The following TTYH2 variants were observed in gnomAD, a reference collection of about 807,000 sequenced individuals.
TTYH2 encodes protein tweety homolog 2.
A neutral mutation model predicts 68.3 loss-of-function variants in TTYH2; 49 were observed. That is an observed-to-expected ratio of 0.72 (90% CI 0.57 to 0.91). TTYH2 has a LOEUF of 0.91. Ranked by LOEUF, TTYH2 falls within the 40% of genes least tolerant of loss-of-function variation. The pLI is 0.00. For synonymous variants in TTYH2, 272 were observed against 300.8 expected (o/e 0.90, Z 0.99); for missense variants, 631 against 700.4 (o/e 0.90, Z 1.12).
At position 74,252,069 on chromosome 17, in the gene TTYH2, G is replaced by C. The variant is rs527837658; in HGVS notation, c.1117-165G>C. ...AACCCAAGAAGCCCCATTGTGTTAG[G>C]CTCCAGAGTGTGGACCTTTAATGGT... is the stretch of plus-strand genomic sequence containing the variant. On this transcript the variant is annotated intron_variant, in intron 10 of 13. Transcript: ENST00000269346. 9 of 796,954 alleles carry C rather than the reference G, an allele frequency of 1.1e-5. No individual in the cohort carries two copies. In the South Asian group the frequency reaches 1.5e-4, roughly 13 times the overall value. The allele number at this position is 796,954 out of a possible 1,614,324, so 49.4% of individuals were successfully genotyped here. A position where few individuals can be genotyped will look rare whatever the true frequency, so the allele number is the denominator to read the frequency against.
At chr17:74,243,604 T>C in intron 5 of TTYH2, 135 bp downstream of exon 5, 1 of 832,980 alleles carries the variant, frequency 1.2e-6, no homozygotes, top group Non-Finnish European at 2.0e-6. Context: ...TGCCCCGTCC[T>C]CAGCACTCAG....
rs748986816 is a variant in TTYH2 at position 74,237,403 on chromosome 17, A to G, written c.524A>G (p.Gln175Arg). The G allele has an allele frequency of 1.9e-6, 3 of 1,614,170 alleles. No individual in the cohort carries two copies. The highest frequency in any genetic ancestry group is 3.3e-5 in the Admixed American group (2 of 60,018). ...TACCTGCAGACCCTGAAGTTCATAC[A>G]GCAGATGGCGGGCAGCGTTGTTGTT... The part of the protein sequence containing the change: ...GDYLQTLKFI[Q>R]QMAGSVVVQL... Residue 175 changes from glutamine (Q) to arginine (R), a missense_variant, in exon 4 of 14, where the codon CAG (glutamine) becomes CGG (arginine). By Grantham distance (43) the Gln-to-Arg change is conservative. Coordinates refer to ENST00000269346, the MANE Select transcript of TTYH2 (RefSeq NM_032646.6).
chr17:74,254,247 C>A (rs2050670106), intron 13 of TTYH2, among the ~76,000 whole-genome samples: 2 of 151,970 alleles, frequency 1.3e-5, no homozygotes, highest in Non-Finnish European at 2.9e-5. Context: ...GCAATATCGG[C>A]TTACTGCAAC....
Position 74,253,101 on chromosome 17 carries a change from TTGA to T in TTYH2, c.1290_1292del (p.Asp431del). ...TCTAGAAACAGAGACTACGATGACA[TTGA>T]TGATGATGACCCCTTTAACCCCCAA... On this transcript the variant is annotated inframe_deletion, in exon 12 of 14. Transcript: ENST00000269346. 8 of 1,613,460 alleles carry T rather than the reference TTGA, an allele frequency of 5.0e-6. No homozygotes were observed. The highest frequency in any genetic ancestry group is 6.8e-6 in the Non-Finnish European group (8 of 1,179,704).
rs971384616 is a variant in TTYH2 at position 74,250,211 on chromosome 17, C to T, written c.1024-54C>T. On this transcript the variant is annotated intron_variant, in intron 9 of 13. Transcript: ENST00000269346. ...AGCACAGCTGCTGTGGTGGTTTTCT[C>T]CGCCAGCTCTCCTCCACAGCCCCTC... 6 of 1,550,490 alleles carry T rather than the reference C, an allele frequency of 3.9e-6. No homozygotes were observed. The Admixed American group carries it at 9.2e-5, about 24-fold the overall frequency.
intron 2 of TTYH2, among the ~76,000 whole-genome samples, chr17:74,230,023 C>CA (rs1377453750): frequency 6.6e-6 from 1 of 152,094 alleles, no homozygotes; most frequent in African/African-American, 2.4e-5. Context: ...CTCAGCTACT[C>CA]AGGAGGCTGA....
chr17:74,256,009 C>A (rs747106947), intron 13 of TTYH2, among the ~76,000 whole-genome samples: 4 of 152,112 alleles, frequency 2.6e-5, no homozygotes, highest in Non-Finnish European at 4.4e-5. Flanking sequence ...CCGGTCATGG[C>A]GCTTGGTGAA....
chr17:74,250,461 C>T (rs1209312473), intron 10 of TTYH2, 104 bp downstream of exon 10: 2 of 919,078 alleles, frequency 2.2e-6, no homozygotes, highest in East Asian at 2.7e-5. Context: ...TGGCCTGGGT[C>T]CCCTTCCGGC....
chr17:74,228,864 T>C (rs1233672670), intron 2 of TTYH2, among the ~76,000 whole-genome samples: 1 of 152,186 alleles, frequency 6.6e-6, no homozygotes, highest in Non-Finnish European at 1.5e-5. Flanking sequence ...GACTTTCATT[T>C]GGAGGACAGT....
chr17:74,214,128 C>T lies in TTYH2; in HGVS notation c.129+412C>T, dbSNP rs2050199014. ...CCGAAGTTTTCGACCGTCTGAGATTCCAAGATGGGGCGCTCTCTTTCCGGG... is the reference window on the plus strand; with the variant it reads ...CCGAAGTTTTCGACCGTCTGAGATTTCAAGATGGGGCGCTCTCTTTCCGGG... On this transcript the variant is annotated intron_variant, in intron 1 of 13. Transcript: ENST00000269346. This position sits in a 1 kb window ranked among gnomAD's most constrained non-coding sequence, Gnocchi z 4.6. 6.6e-6 allele frequency among the ~76,000 whole-genome samples: 1 copy of T among 152,158 alleles called. No homozygotes were observed. The highest frequency in any genetic ancestry group is 1.5e-5 in the Non-Finnish European group (1 of 68,028).
intron 2 of TTYH2, among the ~76,000 whole-genome samples, chr17:74,226,883 T>C (rs2050335744): frequency 6.6e-6 from 1 of 152,126 alleles, no homozygotes; most frequent in East Asian, 1.9e-4. Context: ...CCAGGTGGGA[T>C]CAATGACCCC....
At position 74,249,348 on chromosome 17, in the gene TTYH2, G is replaced by C; in HGVS notation, c.879G>C (p.Val293=). 2.5e-6 allele frequency: 4 copies of C among 1,614,136 alleles called. No individual in the cohort carries two copies. Among genetic ancestry groups the C allele is most frequent in the Non-Finnish European group, 3.4e-6 (4 of 1,180,024 alleles). The change falls in exon 8 of 14, where the codon GTG becomes GTC. Residue 293 remains valine, a synonymous_variant. Coordinates refer to ENST00000269346, the MANE Select transcript of TTYH2 (RefSeq NM_032646.6). ...NVTEGQISTE[V]TRYYLYCSQS... is the part of the protein sequence containing the mutation. Reference sequence around the variant, plus strand: ...CGTTATGCCGTTGCCCTGCAGAGGTGACTCGCTACTACCTGTATTGCAGCC... The same window carrying C: ...CGTTATGCCGTTGCCCTGCAGAGGTCACTCGCTACTACCTGTATTGCAGCC...
At position 74,246,844 on chromosome 17, in the gene TTYH2, G is replaced by C. The variant is rs569321337; in HGVS notation, c.805-2167G>C. ...CAAGTCACGTCTTACATGGATGGCAGCAGGCAAAGAGAGAGGACGTATGCA... is the reference window on the plus strand; with the variant it reads ...CAAGTCACGTCTTACATGGATGGCACCAGGCAAAGAGAGAGGACGTATGCA... On this transcript the variant is annotated intron_variant, in intron 6 of 13. Coordinates refer to ENST00000269346, the MANE Select transcript of TTYH2 (RefSeq NM_032646.6). Among the ~76,000 whole-genome samples, 18 of 152,248 alleles carry C rather than the reference G, an allele frequency of 1.2e-4. No homozygotes were observed. The South Asian group carries it at 3.7e-3, about 32-fold the overall frequency.
chr17:74,213,730 G>T lies in TTYH2; in HGVS notation c.129+14G>T. Reference sequence around the variant, plus strand: ...AGTTACCAGGAGGTAAGTTTACGCCGCCCCAGACCGCAGCCACGCGCGCCC... The same window carrying T: ...AGTTACCAGGAGGTAAGTTTACGCCTCCCCAGACCGCAGCCACGCGCGCCC... On this transcript the variant is annotated intron_variant, in intron 1 of 13. Coordinates refer to ENST00000269346, the MANE Select transcript of TTYH2 (RefSeq NM_032646.6). This position sits in a 1 kb window ranked among gnomAD's most constrained non-coding sequence, Gnocchi z 6.1. 1.2e-6 allele frequency: 2 copies of T among 1,605,294 alleles called. No homozygotes were observed. The highest frequency in any genetic ancestry group is 1.7e-6 in the Non-Finnish European group (2 of 1,175,744).
intron 3 of TTYH2, among the ~76,000 whole-genome samples, chr17:74,234,550 G>A (rs1366175097): frequency 6.6e-6 from 1 of 152,200 alleles, no homozygotes; most frequent in Non-Finnish European, 1.5e-5. Context: ...GGGCAGCATA[G>A]CGAGACCCCA....
intron 13 of TTYH2, among the ~76,000 whole-genome samples, chr17:74,259,564 C>T (rs1316485383): frequency 6.6e-6 from 1 of 152,066 alleles, no homozygotes; most frequent in East Asian, 1.9e-4. Flanking sequence ...GTGGATGTGG[C>T]CTGGGCATCG....
At chr17:74,223,815 C>T (rs2143723396) in intron 2 of TTYH2, among the ~76,000 whole-genome samples, 1 of 152,294 alleles carries the variant, frequency 6.6e-6, no homozygotes, top group African/African-American at 2.4e-5. Context: ...GATGCCTGGG[C>T]TCTCATACCC....
chr17:74,222,686 G>T lies in TTYH2; in HGVS notation c.302+29G>T. The T allele has an allele frequency of 6.3e-7, 1 of 1,587,812 alleles. No homozygotes were observed. Among genetic ancestry groups the T allele is most frequent in the Non-Finnish European group, 8.6e-7 (1 of 1,168,200 alleles). The stretch of plus-strand genomic sequence containing the variant: ...AGTGTCCCTGGACGCTGGGCTTGGG[G>T]TGTGTGACTCAGTCTGCAAGGGGCC... On this transcript the variant is annotated intron_variant, in intron 2 of 13. Coordinates refer to ENST00000269346, the MANE Select transcript of TTYH2 (RefSeq NM_032646.6). This position sits in a 1 kb window ranked among gnomAD's most constrained non-coding sequence, Gnocchi z 5.2.
At chr17:74,228,140 C>G (rs573812900) in intron 2 of TTYH2, among the ~76,000 whole-genome samples, 4 of 151,998 alleles carry the variant, frequency 2.6e-5, no homozygotes, top group African/African-American at 9.7e-5. Flanking sequence ...TGCGCCACCA[C>G]GCCCAGCTAA....
Sources: allele counts gnomAD v4.1 joint callset (sites outside exome capture counted in the v4.1 genomes callset), GRCh38; gene constraint gnomAD v4.1.1; non-coding constraint Gnocchi (gnomAD v3.1); transcripts MANE v1.5; gene names NCBI Gene and HGNC (gene_info 2026-07-23, HGNC 2026-07-21).